The following CASQ2 variants were observed in gnomAD, a reference collection of about 807,000 sequenced individuals.
The protein encoded by CASQ2 is calsequestrin-2.
A neutral mutation model predicts 46.5 loss-of-function variants in CASQ2; 49 were observed. The ratio of observed to expected loss-of-function variants is 1.05; its 90% CI spans 0.84 to 1.34. The LOEUF (loss-of-function observed/expected upper bound fraction) is 1.34, where lower values mean the gene tolerates loss of function less well. Among genes scored for constraint, CASQ2 ranks in the 40% most tolerant of loss-of-function variants. The pLI, the probability that CASQ2 is intolerant of heterozygous loss-of-function variation, is 0.00. For synonymous variants in CASQ2, 174 were observed against 168.5 expected, an observed-to-expected ratio of 1.03 and a Z score of -0.25; for missense variants, 486 against 481.3, an observed-to-expected ratio of 1.01 and a Z score of -0.09.
At chr1:115,749,030 A>G (rs993318940) in intron 1 of CASQ2, among the ~76,000 whole-genome samples, 3 of 152,204 alleles carry the variant, frequency 2.0e-5, no homozygotes, top group South Asian at 2.1e-4. Context: ...ATTCTAATAC[A>G]GCAGATCTCA....
chr1:115,768,497 G>C lies in CASQ2; in HGVS notation c.45C>G (p.Ser15=), dbSNP rs765056841. Reference sequence around the variant, plus strand: ...TAAGCCCCTCTTCTGCCCTGCAAGAGGACAGAAAATAAATCCCCACAATAA... The same window carrying C: ...TAAGCCCCTCTTCTGCCCTGCAAGACGACAGAAAATAAATCCCCACAATAA... ...HLFIVGIYFL[S]SCRAEEGLNF... The change falls in exon 1 of 11, where the codon TCC becomes TCG. Residue 15 remains serine, a synonymous_variant. Coordinates refer to ENST00000261448, the MANE Select transcript of CASQ2 (RefSeq NM_001232.4). 1 of 1,613,736 alleles carries C rather than the reference G, an allele frequency of 6.2e-7. No individual in the cohort carries two copies. Among genetic ancestry groups the C allele is most frequent in the Non-Finnish European group, 8.5e-7 (1 of 1,179,672 alleles).
At chr1:115,728,713 T>C (rs2101080980) in intron 5 of CASQ2, among the ~76,000 whole-genome samples, 1 of 152,296 alleles carries the variant, frequency 6.6e-6, no homozygotes, top group East Asian at 1.9e-4. Flanking sequence ...ACTTTGATTG[T>C]ATGTGGTAAG....
At chr1:115,752,128 C>T (rs976494326) in intron 1 of CASQ2, among the ~76,000 whole-genome samples, 7 of 152,146 alleles carry the variant, frequency 4.6e-5, no homozygotes, top group Admixed American at 1.3e-4. Context: ...TCCTTTTCCC[C>T]GACTGTTTGC....
chr1:115,701,346 C>G lies in CASQ2; in HGVS notation c.1095G>C (p.Val365=), dbSNP rs750485996. The change falls in exon 11 of 11, where the codon GTG becomes GTC. Residue 365 remains valine (V), a synonymous_variant. Transcript: ENST00000261448. ...CTTCAGTGTTTATCTTTCCAGAAAG[C>G]ACATCCTCAATCCAGTCCTCCAGCT... is the stretch of plus-strand genomic sequence containing the variant. ...AEELEDWIED[V]LSGKINTEDD... 4 of 1,613,410 alleles carry G rather than the reference C, an allele frequency of 2.5e-6. No individual in the cohort carries two copies. The highest frequency in any genetic ancestry group is 3.4e-6 in the Non-Finnish European group (4 of 1,179,362).
At chr1:115,708,502 G>T (rs990384411) in intron 8 of CASQ2, among the ~76,000 whole-genome samples, 2 of 152,270 alleles carry the variant, frequency 1.3e-5, no homozygotes, top group African/African-American at 4.8e-5. Flanking sequence ...GGCCAAGGTC[G>T]TGGATGTACC....
At chr1:115,703,705 G>A (rs1654277883) in intron 9 of CASQ2, among the ~76,000 whole-genome samples, 2 of 152,124 alleles carry the variant, frequency 1.3e-5, no homozygotes, top group South Asian at 2.1e-4. Context: ...GAGTCCAGGA[G>A]TTTGAAACCA....
At chr1:115,753,192 G>T (rs550642928) in intron 1 of CASQ2, among the ~76,000 whole-genome samples, 1 of 152,262 alleles carries the variant, frequency 6.6e-6, no homozygotes, top group African/African-American at 2.4e-5. Context: ...TCGGGGGAGA[G>T]GTCCTGCGTG....
chr1:115,700,959 G>T lies in CASQ2; in HGVS notation c.*282C>A. 3 of 609,648 alleles carry T rather than the reference G, an allele frequency of 4.9e-6. No individual in the cohort carries two copies. The South Asian group carries it at 5.9e-5, about 12-fold the overall frequency. 37.8% of individuals were successfully genotyped at this position (609,648 alleles called of 1,614,324 possible). A position where few individuals can be genotyped will look rare whatever the true frequency, so the allele number is the denominator to read the frequency against. On this transcript the variant is annotated 3_prime_UTR_variant, in exon 11 of 11. Transcript: ENST00000261448. Reference sequence around the variant, plus strand: ...GACTGCCATGTTCAGGCACTGCCATGACCCTTGATGGTCCAGCAAAGAACA... The same window carrying T: ...GACTGCCATGTTCAGGCACTGCCATTACCCTTGATGGTCCAGCAAAGAACA...
At chr1:115,765,301 TGC>T (rs1223365055) in intron 1 of CASQ2, among the ~76,000 whole-genome samples, 1 of 152,242 alleles carries the variant, frequency 6.6e-6, no homozygotes, top group Non-Finnish European at 1.5e-5. Flanking sequence ...GTATTTCAAG[TGC>T]CCCTCATCAG....
intron 2 of CASQ2, among the ~76,000 whole-genome samples, chr1:115,742,526 A>G (rs7522891): frequency 0.71 from 108,103 of 152,100 alleles, 42,144 homozygotes; most frequent in Non-Finnish European, 0.88. Flanking sequence ...GAAGGAACCT[A>G]CCCCAACTCC....
intron 7 of CASQ2, among the ~76,000 whole-genome samples, 168 bp downstream of exon 7, chr1:115,725,340 T>C (rs1329941247): frequency 6.6e-6 from 1 of 152,086 alleles, no homozygotes; most frequent in African/African-American, 2.4e-5. Flanking sequence ...GTGCTGGGAT[T>C]ACAGTTCTGA....
chr1:115,753,599 C>T (rs1307696476), intron 1 of CASQ2, among the ~76,000 whole-genome samples: 1 of 152,112 alleles, frequency 6.6e-6, no homozygotes, highest in Non-Finnish European at 1.5e-5. Context: ...GCGAGAGGGG[C>T]GCCCTGTGCT....
intron 8 of CASQ2, among the ~76,000 whole-genome samples, chr1:115,717,159 C>T (rs977624585): frequency 7.9e-5 from 12 of 152,178 alleles, no homozygotes; most frequent in African/African-American, 2.9e-4. Flanking sequence ...GCAGATACTG[C>T]CCTGTTTCCT....
chr1:115,717,828 A>C lies in CASQ2; in HGVS notation c.838+12T>G. 3.1e-6 allele frequency: 5 copies of C among 1,592,526 alleles called. No homozygotes were observed. Among genetic ancestry groups the C allele is most frequent in the Non-Finnish European group, 4.3e-6 (5 of 1,160,516 alleles). ...GCTAGAGCTGTAAAAGAGCAGGTTGAAGGTTTCCTACCTGGATCACTCTTC... is the reference window on the plus strand; with the variant it reads ...GCTAGAGCTGTAAAAGAGCAGGTTGCAGGTTTCCTACCTGGATCACTCTTC... On this transcript the variant is annotated intron_variant, in intron 8 of 10. Transcript: ENST00000261448.
intron 8 of CASQ2, among the ~76,000 whole-genome samples, chr1:115,716,654 T>C (rs181829295): frequency 1.1e-3 from 164 of 152,280 alleles, no homozygotes; most frequent in African/African-American, 3.8e-3. Context: ...TGTTTGAGGT[T>C]CTTGAAAGCA....
intron 2 of CASQ2, among the ~76,000 whole-genome samples, chr1:115,742,648 TA>T (rs1648229902): frequency 6.6e-6 from 1 of 152,204 alleles, no homozygotes; most frequent in African/African-American, 2.4e-5. Flanking sequence ...ACTGGGACAC[TA>T]GTATTTTTCT....
intron 4 of CASQ2, among the ~76,000 whole-genome samples, chr1:115,735,804 G>A (rs2101089093): frequency 6.6e-6 from 1 of 152,270 alleles, no homozygotes; most frequent in South Asian, 2.1e-4. Flanking sequence ...TGCCCTTGAA[G>A]GACACTTTAG....
At chr1:115,755,225 G>A (rs1648718553) in intron 1 of CASQ2, among the ~76,000 whole-genome samples, 1 of 152,328 alleles carries the variant, frequency 6.6e-6, no homozygotes, top group East Asian at 1.9e-4. Context: ...GAGTGAATTT[G>A]ACTGACATGG....
chr1:115,722,821 G>C (rs1647423869), intron 7 of CASQ2, among the ~76,000 whole-genome samples: 1 of 152,174 alleles, frequency 6.6e-6, no homozygotes, highest in African/African-American at 2.4e-5. Context: ...GCCGAGGAGG[G>C]AGGATCACCT....
Sources: gnomAD v4.1 joint callset for allele counts (sites outside exome capture counted in the v4.1 genomes callset) on GRCh38, gnomAD v4.1.1 for gene constraint, MANE v1.5 for transcripts, NCBI Gene and HGNC (gene_info 2026-07-23, HGNC 2026-07-21) for gene names.